SLC12A8: variants seen among roughly 807,000 people sequenced by gnomAD.
SLC12A8 encodes the protein solute carrier family 12 member 8.
Under a neutral mutation model 75.6 loss-of-function variants are expected in SLC12A8, and 69 were observed. The observed-to-expected ratio is 0.91, with a 90% CI of 0.75 to 1.11. The LOEUF is 1.11. Among genes scored for constraint, SLC12A8 ranks in the 50% most tolerant of loss-of-function variants. SLC12A8 has a pLI of 0.00. For missense variants in SLC12A8, 877 were observed against 896.7 expected (o/e 0.98, Z 0.28); for synonymous variants, 365 against 372.8 (o/e 0.98, Z 0.24).
intron 2 of SLC12A8, among the ~76,000 whole-genome samples, chr3:125,198,253 C>CT (rs1486597539): frequency 1.9e-5 from 1 of 53,380 alleles, no homozygotes; most frequent in African/African-American, 4.5e-5. Context: ...AACATGTGTT[C>CT]TTTAAAAAAA....
intron 2 of SLC12A8, among the ~76,000 whole-genome samples, chr3:125,201,982 A>G (rs1935129546): frequency 6.6e-6 from 1 of 152,142 alleles, no homozygotes; most frequent in Non-Finnish European, 1.5e-5. Context: ...ATCTCAGCTC[A>G]CTGCAACCTC....
intron 4 of SLC12A8, among the ~76,000 whole-genome samples, chr3:125,184,324 C>T (rs114097988): frequency 1.3e-5 from 2 of 152,274 alleles, no homozygotes; most frequent in African/African-American, 4.8e-5. Context: ...AGTTTTGATG[C>T]TCTAGGGAAG....
intron 5 of SLC12A8, among the ~76,000 whole-genome samples, chr3:125,160,464 C>T (rs1934142544): frequency 6.6e-6 from 1 of 152,236 alleles, no homozygotes; most frequent in South Asian, 2.1e-4. Context: ...CATCTGACTA[C>T]ACATGATAAC....
chr3:125,104,287 T>G (rs1938966241), intron 10 of SLC12A8, among the ~76,000 whole-genome samples: 2 of 151,896 alleles, frequency 1.3e-5, no homozygotes, highest in African/African-American at 4.8e-5. Flanking sequence ...CTTTTTAATT[T>G]TTGTAGATAT....
intron 5 of SLC12A8, among the ~76,000 whole-genome samples, chr3:125,161,008 T>C (rs978937494): frequency 6.6e-6 from 1 of 150,642 alleles, no homozygotes; most frequent in African/African-American, 2.5e-5. Context: ...ATGTAATTAA[T>C]GCAGGGAGAG....
intron 10 of SLC12A8, among the ~76,000 whole-genome samples, chr3:125,096,030 C>T (rs907780063): frequency 5.9e-5 from 9 of 152,312 alleles, no homozygotes; most frequent in African/African-American, 1.7e-4. Flanking sequence ...GCACTGCCCC[C>T]GCTTTCCTCA....
chr3:125,099,400 A>G (rs2688993), intron 10 of SLC12A8, among the ~76,000 whole-genome samples: 69,946 of 152,088 alleles, frequency 0.46, 16,647 homozygotes, highest in Middle Eastern at 0.65. Context: ...GTTTTCAACG[A>G]AAAATTACAA....
chr3:125,086,889 C>T (rs1378128842), intron 13 of SLC12A8, among the ~76,000 whole-genome samples: 4 of 152,176 alleles, frequency 2.6e-5, no homozygotes, highest in African/African-American at 9.7e-5. Flanking sequence ...CAAGCTCCAG[C>T]ACGAAGGCTT....
At chr3:125,203,200 A>G (rs1157615587) in intron 2 of SLC12A8, among the ~76,000 whole-genome samples, 1 of 151,950 alleles carries the variant, frequency 6.6e-6, no homozygotes, top group Non-Finnish European at 1.5e-5. Context: ...TGAAATACCA[A>G]TGACATTGTT....
At position 125,134,277 on chromosome 3, in the gene SLC12A8, T is replaced by A. The variant is rs549615854; in HGVS notation, c.736+1392A>T. Among the ~76,000 whole-genome samples, 205 of 145,880 alleles carry A rather than the reference T, an allele frequency of 1.4e-3. 1 individual carries two copies. Among genetic ancestry groups the A allele is most frequent in the South Asian group, 8.4e-3 (38 of 4,504 alleles). On this transcript the variant is annotated intron_variant, in intron 6 of 13. Transcript: ENST00000469902. ...CCACCATGCCAGGCTAATTTTTTTTTATATATATTTTTAGTAGAGATGGGG... is the reference window on the plus strand; with the variant it reads ...CCACCATGCCAGGCTAATTTTTTTTAATATATATTTTTAGTAGAGATGGGG...
intron 6 of SLC12A8, among the ~76,000 whole-genome samples, chr3:125,130,535 T>C (rs816146): frequency 0.2 from 29,579 of 150,890 alleles, 3,455 homozygotes; most frequent in South Asian, 0.44. Context: ...GAGGTTGTAG[T>C]GAGCTGAGAT....
intron 5 of SLC12A8, among the ~76,000 whole-genome samples, chr3:125,137,927 ACACGCT>A (rs916684195): frequency 2.0e-5 from 3 of 151,724 alleles, no homozygotes; most frequent in South Asian, 2.1e-4. Context: ...GCTCACGCTC[ACACGCT>A]CACGCTCACA....
chr3:125,206,088 TG>T, intron 2 of SLC12A8, among the ~76,000 whole-genome samples: 1 of 152,374 alleles, frequency 6.6e-6, no homozygotes, highest in East Asian at 1.9e-4. Context: ...AATATGCTAT[TG>T]CCTGGCACAT....
chr3:125,140,840 C>G (rs570249783), intron 5 of SLC12A8, among the ~76,000 whole-genome samples: 51 of 152,364 alleles, frequency 3.3e-4, no homozygotes, highest in Non-Finnish European at 5.7e-4. Flanking sequence ...CCACCTTGGC[C>G]TCCCAAAGCA....
Position 125,108,088 on chromosome 3 carries a change from C to T in SLC12A8, c.1098G>A (p.Leu366=), listed in dbSNP as rs1939084689. 2 of 1,614,148 alleles carry T rather than the reference C, an allele frequency of 1.2e-6. No homozygotes were observed. Among genetic ancestry groups the T allele is most frequent in the Non-Finnish European group, 1.7e-6 (2 of 1,180,016 alleles). ...PNKTPVAAIC[L]TSLVTMAFVF... ...CAAAGGCCATGGTCACCAAGCTGGT[C>T]AGGCAGATGGCAGCCACGGGTGTTT... Residue 366 remains leucine, a synonymous_variant, in exon 10 of 14, where the codon CTG becomes CTA. Coordinates refer to ENST00000469902, the MANE Select transcript of SLC12A8 (RefSeq NM_024628.6).
In SLC12A8 at chr3:125,195,049, G is replaced by T. The variant is rs139989030; in HGVS notation, c.52-4528C>A. On this transcript the variant is annotated intron_variant, in intron 2 of 13. Transcript: ENST00000469902. ...TGCAGCTACATGCCTGCCTCAGGGGGGTTTTGTAAAGTTTAGATGAGATGA... is the reference window on the plus strand; with the variant it reads ...TGCAGCTACATGCCTGCCTCAGGGGTGTTTTGTAAAGTTTAGATGAGATGA... 1.3e-3 allele frequency among the ~76,000 whole-genome samples: 200 copies of T among 152,292 alleles called. 1 individual carries two copies. Among genetic ancestry groups the T allele is most frequent in the African/African-American group, 4.5e-3 (188 of 41,562 alleles).
At chr3:125,159,710 T>A (rs771137535) in intron 5 of SLC12A8, among the ~76,000 whole-genome samples, 9 of 151,978 alleles carry the variant, frequency 5.9e-5, no homozygotes, top group Non-Finnish European at 1.2e-4. Context: ...TTTGACCCAC[T>A]CCTGAGACCT....
chr3:125,098,554 C>CCCCACA (rs369641047), intron 10 of SLC12A8, among the ~76,000 whole-genome samples: 1 of 143,920 alleles, frequency 6.9e-6, no homozygotes, highest in African/African-American at 2.6e-5. Context: ...TGAATCTTCT[C>CCCCACA]CACACACACA....
chr3:125,194,979 C>T (rs1364215321), intron 2 of SLC12A8, among the ~76,000 whole-genome samples: 4 of 152,208 alleles, frequency 2.6e-5, no homozygotes, highest in South Asian at 2.1e-4. Context: ...AGAGCTGGGC[C>T]GGGCGCCAGC....
Sources: gnomAD v4.1 joint callset for allele counts (sites outside exome capture counted in the v4.1 genomes callset) on GRCh38, gnomAD v4.1.1 for gene constraint, MANE v1.5 for transcripts, NCBI Gene and HGNC (gene_info 2026-07-23, HGNC 2026-07-21) for gene names.